The following MRPL14 variants were observed in gnomAD, a reference collection of about 807,000 sequenced individuals.
MRPL14 encodes the protein large ribosomal subunit protein uL14m.
In MRPL14, 8 loss-of-function variants were observed where a neutral mutation model predicts 10.9. That is an observed-to-expected ratio of 0.74 (90% CI 0.43 to 1.33). The LOEUF (loss-of-function observed/expected upper bound fraction) is 1.33. Among genes scored for constraint, MRPL14 ranks in the 40% most tolerant of loss-of-function variants. The pLI, the probability that MRPL14 is intolerant of heterozygous loss-of-function variation, is 0.01. For synonymous variants in MRPL14, 82 were observed against 74.1 expected (o/e 1.11, Z -0.54); for missense variants, 179 against 194.5 (o/e 0.92, Z 0.47).
In MRPL14 at chr6:44,125,911, T is replaced by C. The variant is rs184946324; in HGVS notation, c.-19+1433A>G. ...ATCTCCATCTTCCTTTCTTTCACAG[T>C]TGAAAAACTGCCCTTCCTAATTAAG... On this transcript the variant is annotated intron_variant, in intron 1 of 2. Coordinates refer to ENST00000372014, the MANE Select transcript of MRPL14 (RefSeq NM_032111.4). Among the ~76,000 whole-genome samples, 7 of 152,308 alleles carry C rather than the reference T, an allele frequency of 4.6e-5. No individual in the cohort carries two copies. In the East Asian group the frequency reaches 1.2e-3, roughly 25 times the overall value.
intron 1 of MRPL14, among the ~76,000 whole-genome samples, chr6:44,123,731 C>T (rs945910971): frequency 9.9e-5 from 15 of 152,080 alleles, no homozygotes; most frequent in East Asian, 1.9e-4. Context: ...TAAATTAGGG[C>T]GTGGTGGTTC....
chr6:44,124,434 T>C (rs1357572286), intron 1 of MRPL14, among the ~76,000 whole-genome samples: 1 of 152,232 alleles, frequency 6.6e-6, no homozygotes, highest in Non-Finnish European at 1.5e-5. Context: ...CTCTGAATTA[T>C]CCAGTACAGA....
At chr6:44,121,771 C>T (rs1156550274) in intron 1 of MRPL14, among the ~76,000 whole-genome samples, 1 of 152,176 alleles carries the variant, frequency 6.6e-6, no homozygotes, top group Admixed American at 6.5e-5. Flanking sequence ...GAAACCCCGT[C>T]TCTACCAAAA....
chr6:44,117,004 T>C (rs1199030060), intron 1 of MRPL14, among the ~76,000 whole-genome samples: 5 of 152,234 alleles, frequency 3.3e-5, no homozygotes, highest in Non-Finnish European at 5.9e-5. Flanking sequence ...AACTGCACAC[T>C]ATTGCCCTTT....
chr6:44,120,520 T>C (rs1776293850), intron 1 of MRPL14, among the ~76,000 whole-genome samples: 2 of 152,200 alleles, frequency 1.3e-5, no homozygotes, highest in African/African-American at 4.8e-5. Flanking sequence ...ACTAGCTTTT[T>C]AGTGGATCTG....
chr6:44,126,518 C>T (rs762113373), intron 1 of MRPL14, among the ~76,000 whole-genome samples: 37 of 152,348 alleles, frequency 2.4e-4, no homozygotes, highest in Non-Finnish European at 4.7e-4. Context: ...TCCCCACCAC[C>T]ACCAGCCCTG....
intron 1 of MRPL14, among the ~76,000 whole-genome samples, chr6:44,121,031 G>A (rs1030614046): frequency 6.6e-6 from 1 of 152,140 alleles, no homozygotes; most frequent in African/African-American, 2.4e-5. Context: ...AGCAATGGAG[G>A]CAGCAATTTA....
chr6:44,124,634 G>C (rs759220701), intron 1 of MRPL14, among the ~76,000 whole-genome samples: 1 of 152,192 alleles, frequency 6.6e-6, no homozygotes, highest in Non-Finnish European at 1.5e-5. Flanking sequence ...GTTTTTAACA[G>C]AGGGCTCTCC....
intron 1 of MRPL14, among the ~76,000 whole-genome samples, chr6:44,117,335 A>T (rs1176063678): frequency 6.6e-6 from 1 of 152,184 alleles, no homozygotes; most frequent in Non-Finnish European, 1.5e-5. Context: ...AAGACTTGTG[A>T]CTCCAGTTTT....
At chr6:44,118,824 C>T (rs1379890143) in intron 1 of MRPL14, among the ~76,000 whole-genome samples, 2 of 152,014 alleles carry the variant, frequency 1.3e-5, no homozygotes, top group African/African-American at 2.4e-5. Flanking sequence ...ATTAGCCAGG[C>T]GTGGTGGCAC....
intron 1 of MRPL14, among the ~76,000 whole-genome samples, chr6:44,117,592 G>A (rs1775970516): frequency 6.6e-6 from 1 of 152,106 alleles, no homozygotes; most frequent in Non-Finnish European, 1.5e-5. Context: ...CCTCAGATAA[G>A]ATTTTATTTA....
chr6:44,114,327 T>TGCTGTCCAGGAGCA, intron 2 of MRPL14, 118 bp from the exon 3 acceptor site: 2 of 1,242,504 alleles, frequency 1.6e-6, no homozygotes, highest in Non-Finnish European at 2.2e-6. Flanking sequence ...CAGAGCAGAG[T>TGCTGTCCAGGAGCA]GCTGTCCAGG....
At chr6:44,126,547 A>G (rs1777073178) in intron 1 of MRPL14, among the ~76,000 whole-genome samples, 2 of 152,144 alleles carry the variant, frequency 1.3e-5, no homozygotes, top group Admixed American at 6.5e-5. Context: ...TTATCTCCCA[A>G]ACTCCCAGAG....
At chr6:44,120,782 G>T (rs1013351434) in intron 1 of MRPL14, among the ~76,000 whole-genome samples, 1 of 152,200 alleles carries the variant, frequency 6.6e-6, no homozygotes, top group Admixed American at 6.5e-5. Flanking sequence ...GAGAAAGACA[G>T]GTCCCCCATG....
At chr6:44,125,412 T>G (rs1244784651) in intron 1 of MRPL14, among the ~76,000 whole-genome samples, 3 of 152,116 alleles carry the variant, frequency 2.0e-5, no homozygotes, top group African/African-American at 7.2e-5. Flanking sequence ...TCCCAGCACT[T>G]TGAGAGGCTG....
chr6:44,115,217 A>C (rs1172578081), intron 2 of MRPL14, among the ~76,000 whole-genome samples: 1 of 151,594 alleles, frequency 6.6e-6, no homozygotes, highest in Non-Finnish European at 1.5e-5. Context: ...GGGCAATCTT[A>C]CCCATTAGCA....
At chr6:44,119,915 G>A (rs1776239927) in intron 1 of MRPL14, among the ~76,000 whole-genome samples, 1 of 151,754 alleles carries the variant, frequency 6.6e-6, no homozygotes, top group Non-Finnish European at 1.5e-5. Flanking sequence ...GCAACACCCT[G>A]CCTCTCAACA....
At chr6:44,117,676 T>C (rs1419722451) in intron 1 of MRPL14, among the ~76,000 whole-genome samples, 3 of 152,052 alleles carry the variant, frequency 2.0e-5, no homozygotes, top group Non-Finnish European at 4.4e-5. Flanking sequence ...CTTTTTTTTC[T>C]TTCCTTGAGA....
At chr6:44,115,666 C>T (rs1303023633) in intron 2 of MRPL14, among the ~76,000 whole-genome samples, 4 of 149,966 alleles carry the variant, frequency 2.7e-5, no homozygotes, top group Admixed American at 2.0e-4. Context: ...TACTCCCCAC[C>T]ATCTACACTG....
Sources: allele counts gnomAD v4.1 joint callset (sites outside exome capture counted in the v4.1 genomes callset), GRCh38; gene constraint gnomAD v4.1.1; transcripts MANE v1.5; gene names NCBI Gene and HGNC (gene_info 2026-07-23, HGNC 2026-07-21).